Variants in WWC2 observed in about 807,000 individuals in gnomAD.
WWC2 encodes protein WWC2.
A neutral mutation model predicts 138.5 loss-of-function variants in WWC2; 101 were observed. The ratio of observed to expected loss-of-function variants is 0.73; its 90% CI spans 0.62 to 0.86. The LOEUF (loss-of-function observed/expected upper bound fraction) is 0.86. WWC2 is among the 40% of genes least tolerant of loss of function. The pLI, the probability that WWC2 is intolerant of heterozygous loss-of-function variation, is 0.00. For missense variants in WWC2, 1,420 were observed against 1,419.4 expected, an observed-to-expected ratio of 1.00 and a Z score of -0.01; for synonymous variants, 558 against 538.4, an observed-to-expected ratio of 1.04 and a Z score of -0.50.
At position 183,168,004 on chromosome 4, in the gene WWC2, C is replaced by T. The variant is rs537282518; in HGVS notation, c.132-25595C>T. ...CCGAGTAGCTGGGACTACAGGCGTG[C>T]GCCACCATGCCAAGCCAATTTTTTT... is the stretch of plus-strand genomic sequence containing the variant. On this transcript the variant is annotated intron_variant, in intron 1 of 22. Coordinates refer to ENST00000403733, the MANE Select transcript of WWC2 (RefSeq NM_024949.6). Among the ~76,000 whole-genome samples, 9 of 151,788 alleles carry T rather than the reference C, an allele frequency of 5.9e-5. No individual in the cohort carries two copies. The South Asian group carries it at 1.7e-3, about 28-fold the overall frequency.
At chr4:183,289,286 C>G in intron 20 of WWC2, 107 bp from the exon 21 acceptor site, 12 of 1,468,218 alleles carry the variant, frequency 8.2e-6, no homozygotes, top group Non-Finnish European at 1.1e-5. Flanking sequence ...GCCCTGGCTT[C>G]TAGGGTGCAA....
At chr4:183,116,210 G>C (rs1029398778) in intron 1 of WWC2, among the ~76,000 whole-genome samples, 3 of 152,026 alleles carry the variant, frequency 2.0e-5, no homozygotes, top group Non-Finnish European at 4.4e-5. Flanking sequence ...GTCTGTTTTT[G>C]CACCATTCAC....
chr4:183,106,716 T>C (rs910122248), intron 1 of WWC2, among the ~76,000 whole-genome samples: 10 of 152,226 alleles, frequency 6.6e-5, no homozygotes, highest in African/African-American at 2.4e-4. Context: ...TTTTTCTTAG[T>C]GTAATGCATT....
chr4:183,218,631 A>G (rs1735826442), intron 4 of WWC2, among the ~76,000 whole-genome samples: 1 of 152,222 alleles, frequency 6.6e-6, no homozygotes, highest in Non-Finnish European at 1.5e-5. Context: ...GAGCCAGTAC[A>G]GTTCCAGTCC....
At chr4:183,220,693 GC>G (rs1310472663) in intron 4 of WWC2, among the ~76,000 whole-genome samples, 2 of 152,056 alleles carry the variant, frequency 1.3e-5, no homozygotes, top group Non-Finnish European at 2.9e-5. Flanking sequence ...AAGTAGCCGG[GC>G]GTGGTGGCGG....
intron 1 of WWC2, among the ~76,000 whole-genome samples, chr4:183,131,154 C>A (rs1732913523): frequency 6.6e-6 from 1 of 152,090 alleles, no homozygotes; most frequent in Non-Finnish European, 1.5e-5. Context: ...ATGGTATTGG[C>A]CATCTATATG....
chr4:183,157,809 T>TA (rs1733849986), intron 1 of WWC2, among the ~76,000 whole-genome samples: 1 of 24,178 alleles, frequency 4.1e-5, no homozygotes, highest in Non-Finnish European at 7.5e-5. Flanking sequence ...CTGTGTCACT[T>TA]AATTTTTTTT....
intron 4 of WWC2, among the ~76,000 whole-genome samples, chr4:183,221,500 C>G (rs1286612477): frequency 1.3e-5 from 2 of 152,106 alleles, no homozygotes; most frequent in Non-Finnish European, 2.9e-5. Flanking sequence ...AATCCTTACT[C>G]TAGAATATGA....
At chr4:183,213,661 G>T (rs1310469099) in intron 4 of WWC2, among the ~76,000 whole-genome samples, 1 of 152,120 alleles carries the variant, frequency 6.6e-6, no homozygotes, top group Non-Finnish European at 1.5e-5. Flanking sequence ...GGTCAAATGG[G>T]ATAACAGTAC....
chr4:183,197,008 A>G (rs1389347599), intron 2 of WWC2, among the ~76,000 whole-genome samples: 5 of 152,202 alleles, frequency 3.3e-5, no homozygotes, highest in African/African-American at 9.7e-5. Flanking sequence ...CAATGACTGC[A>G]TCTTTTATGT....
At chr4:183,270,455 T>A (rs11721980) in intron 15 of WWC2, among the ~76,000 whole-genome samples, 12,170 of 152,214 alleles carry the variant, frequency 0.08, 697 homozygotes, top group Non-Finnish European at 0.12. Flanking sequence ...AAGTCACCTT[T>A]ACAGCATATT....
chr4:183,165,095 G>A (rs1288750054), intron 1 of WWC2, among the ~76,000 whole-genome samples: 2 of 152,118 alleles, frequency 1.3e-5, no homozygotes, highest in Non-Finnish European at 2.9e-5. Context: ...TTGTTTCAGA[G>A]TCTTGTATTT....
chr4:183,245,441 C>T lies in WWC2; in HGVS notation c.628C>T (p.Gln210Ter). The T allele has an allele frequency of 1.3e-6, 2 of 1,570,160 alleles. No homozygotes were observed. Among genetic ancestry groups the T allele is most frequent in the Non-Finnish European group, 8.6e-7 (1 of 1,165,180 alleles). Residue 210 changes from glutamine (Q) to a stop codon, truncating the protein, a stop_gained, in exon 6 of 23, where the codon CAG (glutamine) becomes TAG (stop). Coordinates refer to ENST00000403733, the MANE Select transcript of WWC2 (RefSeq NM_024949.6). LOFTEE classifies it high-confidence loss of function. ...AATTGATAAAAAAATGTCTGGAGGC[C>T]AGAGCGGGTATGAACTCAGTGAAGC... is the stretch of plus-strand genomic sequence containing the variant. ...QQIDKKMSGG[Q>*]SGYELSEAKA... is the part of the protein sequence containing the mutation.
chr4:183,185,751 A>G (rs1027369266), intron 1 of WWC2, among the ~76,000 whole-genome samples: 1 of 152,134 alleles, frequency 6.6e-6, no homozygotes, highest in Non-Finnish European at 1.5e-5. Context: ...ACCCTAACAC[A>G]TGCTTATTTG....
chr4:183,262,944 C>T (rs1260706734), intron 11 of WWC2, among the ~76,000 whole-genome samples: 2 of 152,132 alleles, frequency 1.3e-5, no homozygotes, highest in Non-Finnish European at 2.9e-5. Flanking sequence ...TACAGTAATC[C>T]TTGTGTCAGG....
In WWC2 at chr4:183,319,473, G is replaced by T; in HGVS notation, c.*3744G>T. 1 of 1,357,440 alleles carries T rather than the reference G, an allele frequency of 7.4e-7. No homozygotes were observed. The highest frequency in any genetic ancestry group is 1.0e-6 in the Non-Finnish European group (1 of 991,466). The allele number at this position is 1,357,440 out of a possible 1,614,324, so 84.1% of individuals were successfully genotyped here. A position where few individuals can be genotyped will look rare whatever the true frequency, so the allele number is the denominator to read the frequency against. On this transcript the variant is annotated 3_prime_UTR_variant, in exon 23 of 23. Transcript: ENST00000403733. ...TGCATTTTCAAAAATCAAAAGCACA[G>T]TGAGATGACTAGAGCGGGACATCCT...
At chr4:183,141,513 C>T (rs1185404203) in intron 1 of WWC2, among the ~76,000 whole-genome samples, 1 of 152,106 alleles carries the variant, frequency 6.6e-6, no homozygotes, top group East Asian at 1.9e-4. Flanking sequence ...ACCCTACTAC[C>T]ACCCCAGGAG....
chr4:183,216,776 G>A (rs1735770857), intron 4 of WWC2, among the ~76,000 whole-genome samples: 1 of 150,998 alleles, frequency 6.6e-6, no homozygotes, highest in South Asian at 2.1e-4. Context: ...ATACCAGAGA[G>A]AAGGGAGCTA....
At chr4:183,270,971 C>A in intron 15 of WWC2, 109 bp from the exon 16 acceptor site, 2 of 1,058,904 alleles carry the variant, frequency 1.9e-6, no homozygotes, top group East Asian at 3.0e-5. Context: ...TTTTTTTACC[C>A]TAAAACAAGC....
Sources: gnomAD v4.1 joint callset for allele counts (sites outside exome capture counted in the v4.1 genomes callset) on GRCh38, gnomAD v4.1.1 for gene constraint, MANE v1.5 for transcripts, NCBI Gene and HGNC (gene_info 2026-07-23, HGNC 2026-07-21) for gene names.